Variants in PLB1 observed in about 807,000 individuals in gnomAD.
PLB1 encodes the protein phospholipase B1, membrane-associated.
A neutral mutation model predicts 227.4 loss-of-function variants in PLB1; 242 were observed. The observed-to-expected ratio is 1.06, with a 90% CI of 0.96 to 1.18. The LOEUF (loss-of-function observed/expected upper bound fraction) is 1.18. Among genes scored for constraint, PLB1 ranks in the 50% most tolerant of loss-of-function variants. The probability of loss-of-function intolerance (pLI) is 0.00; values close to 1 mark genes in which losing one functional copy is unlikely to be tolerated. For missense variants in PLB1, 1,858 were observed against 1,816.3 expected, an observed-to-expected ratio of 1.02 and a Z score of -0.42; for synonymous variants, 757 against 682.2, an observed-to-expected ratio of 1.11 and a Z score of -1.71.
intron 43 of PLB1, among the ~76,000 whole-genome samples, chr2:28,608,419 G>GT (rs1344926450): frequency 6.6e-6 from 1 of 152,208 alleles, no homozygotes; most frequent in African/African-American, 2.4e-5. Context: ...GCAAGACGCA[G>GT]TGGGGGGCGG....
At chr2:28,591,650 T>G in intron 30 of PLB1, 50 bp from the exon 31 acceptor site, 1 of 1,586,254 alleles carries the variant, frequency 6.3e-7, no homozygotes, top group Non-Finnish European at 8.7e-7. Flanking sequence ...TAGCCAGTTT[T>G]TCTGGTCCCT....
At position 28,569,839 on chromosome 2, in the gene PLB1, G is replaced by A. The variant is rs573074050; in HGVS notation, c.1324+3000G>A. Among the ~76,000 whole-genome samples the A allele has an allele frequency of 1.3e-4, 20 of 151,898 alleles. No homozygotes were observed. The East Asian group carries it at 3.1e-3, about 24-fold the overall frequency. On this transcript the variant is annotated intron_variant, in intron 20 of 57. Transcript: ENST00000327757. ...AAAATAGCTAGGTGTGGTGGTGGGCGCCTGTAGTCCCAGCTACTTGGGAGG... is the reference window on the plus strand; with the variant it reads ...AAAATAGCTAGGTGTGGTGGTGGGCACCTGTAGTCCCAGCTACTTGGGAGG...
At chr2:28,522,921 C>A (rs1335486547) in intron 4 of PLB1, among the ~76,000 whole-genome samples, 1 of 152,170 alleles carries the variant, frequency 6.6e-6, no homozygotes, top group Admixed American at 6.5e-5. Context: ...TAGACCAGGG[C>A]AAAATAATGG....
chr2:28,589,232 T>C (rs1297860724), intron 26 of PLB1, among the ~76,000 whole-genome samples: 1 of 151,932 alleles, frequency 6.6e-6, no homozygotes, highest in Admixed American at 6.6e-5. Flanking sequence ...AGCTCAAATA[T>C]ATGCAATCGC....
At chr2:28,590,754 G>C (rs1001336432) in intron 29 of PLB1, among the ~76,000 whole-genome samples, 2 of 152,132 alleles carry the variant, frequency 1.3e-5, no homozygotes, top group Admixed American at 6.5e-5. Context: ...TCACTGCAGG[G>C]TGGGGTAGGC....
rs1573237888 is a variant in PLB1, at chr2:28,591,128, C to T, written c.2089-5C>T. 1.2e-6 allele frequency: 2 copies of T among 1,614,158 alleles called. No homozygotes were observed. Among genetic ancestry groups the T allele is most frequent in the South Asian group, 1.1e-5 (1 of 91,086 alleles). ...CTGCCATTGCTCACCCCCCTCTCCT[C>T]ACAGGTCCAGCCGTTTCTGAGGACC... On this transcript the variant is annotated splice_region_variant and splice_polypyrimidine_tract_variant and intron_variant, in intron 29 of 57. Coordinates refer to ENST00000327757, the MANE Select transcript of PLB1 (RefSeq NM_153021.5).
chr2:28,518,389 T>C, intron 2 of PLB1, 77 bp from the exon 3 acceptor site: 1 of 1,143,356 alleles, frequency 8.7e-7, no homozygotes, highest in Non-Finnish European at 1.3e-6. Flanking sequence ...CATGATCATT[T>C]CTACACCAAG....
intron 1 of PLB1, among the ~76,000 whole-genome samples, chr2:28,507,492 T>G (rs1667763526): frequency 6.6e-6 from 1 of 152,122 alleles, no homozygotes; most frequent in African/African-American, 2.4e-5. Flanking sequence ...ATAATGACAT[T>G]AATCCATCTG....
Position 28,519,692 on chromosome 2 carries a change from C to G in PLB1, c.185-13C>G. The G allele has an allele frequency of 1.3e-6, 2 of 1,599,876 alleles. No individual in the cohort carries two copies. The highest frequency in any genetic ancestry group is 1.7e-6 in the Non-Finnish European group (2 of 1,167,810). ...TAGATCTGACCTTCCTATATGGGTT[C>G]TTGTCTCCACAGTTCACTCTCTGAA... On this transcript the variant is annotated splice_polypyrimidine_tract_variant and intron_variant, in intron 3 of 57. Coordinates refer to ENST00000327757, the MANE Select transcript of PLB1 (RefSeq NM_153021.5).
chr2:28,566,622 G>C (rs1676952452), intron 19 of PLB1, 174 bp from the exon 20 acceptor site: 1 of 628,554 alleles, frequency 1.6e-6, no homozygotes, highest in Admixed American at 2.7e-5. Context: ...TATGGGGAGG[G>C]GAGTCGTATT....
chr2:28,512,593 T>G (rs1668408026), intron 1 of PLB1, among the ~76,000 whole-genome samples: 1 of 151,910 alleles, frequency 6.6e-6, no homozygotes, highest in Non-Finnish European at 1.5e-5. Context: ...CAATTTGTTT[T>G]TTAATAACTT....
Position 28,591,044 on chromosome 2 carries a change from G to T in PLB1, c.2089-89G>T, listed in dbSNP as rs1043193943. On this transcript the variant is annotated intron_variant, in intron 29 of 57. Transcript: ENST00000327757. ...GACACAGGGCAGGCAGGCCGCAGCTGTTTGTGCCAGGCCGACACTTAACTG... is the reference window on the plus strand; with the variant it reads ...GACACAGGGCAGGCAGGCCGCAGCTTTTTGTGCCAGGCCGACACTTAACTG... 2.9e-5 allele frequency: 45 copies of T among 1,542,792 alleles called. 1 individual carries two copies. Among genetic ancestry groups the T allele is most frequent in the Non-Finnish European group, 3.6e-5 (40 of 1,116,590 alleles).
chr2:28,583,584 C>T (rs72791693), intron 25 of PLB1, among the ~76,000 whole-genome samples: 2,168 of 152,308 alleles, frequency 0.014, 17 homozygotes, highest in Non-Finnish European at 0.023. Flanking sequence ...AGGTGCACAG[C>T]ACGCAGTTTA....
intron 18 of PLB1, among the ~76,000 whole-genome samples, chr2:28,564,865 A>C (rs1573000735): frequency 9.3e-5 from 1 of 10,756 alleles, no homozygotes; most frequent in South Asian, 2.0e-3. Context: ...CTACATTTTA[A>C]ACTGCATAGG....
chr2:28,619,574 G>GAGAT (rs994986211), intron 46 of PLB1, among the ~76,000 whole-genome samples: 2 of 149,724 alleles, frequency 1.3e-5, no homozygotes, highest in African/African-American at 4.9e-5. Context: ...CTGTATAGAG[G>GAGAT]AGATAGGAAC....
At chr2:28,559,565 G>A (rs376269039) in intron 17 of PLB1, among the ~76,000 whole-genome samples, 180 of 152,196 alleles carry the variant, frequency 1.2e-3, no homozygotes, top group African/African-American at 4.1e-3. Context: ...GAAAGGAGAC[G>A]AGACCTTGGA....
intron 19 of PLB1, among the ~76,000 whole-genome samples, chr2:28,566,228 C>T (rs1188324770): frequency 6.7e-6 from 1 of 148,268 alleles, no homozygotes; most frequent in Non-Finnish European, 1.5e-5. Context: ...TGCTCCTAGA[C>T]ACCCTTGGCA....
chr2:28,557,001 A>G lies in PLB1; in HGVS notation c.1147+4010A>G, dbSNP rs535497313. Among the ~76,000 whole-genome samples, 4 of 152,096 alleles carry G rather than the reference A, an allele frequency of 2.6e-5. No individual in the cohort carries two copies. In the East Asian group the frequency reaches 7.8e-4, roughly 30 times the overall value. ...TCATCTCATCGTGAGCCAGCAGTGCAATGTTCAGTGTAGGTCATGAGGCCG... is the reference window on the plus strand; with the variant it reads ...TCATCTCATCGTGAGCCAGCAGTGCGATGTTCAGTGTAGGTCATGAGGCCG... On this transcript the variant is annotated intron_variant, in intron 17 of 57. Transcript: ENST00000327757.
At chr2:28,497,940 A>G (rs908867516) in intron 1 of PLB1, among the ~76,000 whole-genome samples, 7 of 151,336 alleles carry the variant, frequency 4.6e-5, no homozygotes, top group Non-Finnish European at 8.9e-5. Flanking sequence ...GCTGGTCTCA[A>G]ACTCCTAATC....
Sources: allele counts gnomAD v4.1 joint callset (sites outside exome capture counted in the v4.1 genomes callset), GRCh38; gene constraint gnomAD v4.1.1; transcripts MANE v1.5; gene names NCBI Gene and HGNC (gene_info 2026-07-23, HGNC 2026-07-21).